TRPM7: variants seen among roughly 807,000 people sequenced by gnomAD.
TRPM7 encodes the protein transient receptor potential cation channel subfamily M member 7, also known as LTRPC ion channel family member 7.
Under a neutral mutation model 229.7 loss-of-function variants are expected in TRPM7, and 134 were observed. The ratio of observed to expected loss-of-function variants is 0.58; its 90% CI spans 0.51 to 0.67. The LOEUF is 0.67. Among genes scored for constraint, TRPM7 ranks in the 30% least tolerant of loss-of-function variants. The pLI, the probability that TRPM7 is intolerant of heterozygous loss-of-function variation, is 0.00. For synonymous variants in TRPM7, 699 were observed against 715.2 expected (o/e 0.98, Z 0.36); for missense variants, 1,901 against 2,210.0 (o/e 0.86, Z 2.80).
In TRPM7 at chr15:50,559,905, C is replaced by A. The variant is rs1208119383; in HGVS notation, c.*1773G>T. On this transcript the variant is annotated 3_prime_UTR_variant, in exon 39 of 39. Coordinates refer to ENST00000646667, the MANE Select transcript of TRPM7 (RefSeq NM_017672.6). ...GCGTGTGCCTGTAGTCCCAGCTACT[C>A]GGGAGGCTGAGGCAGGAGAATCACT... is the stretch of plus-strand genomic sequence containing the variant. The A allele has an allele frequency of 6.7e-6, 1 of 150,252 alleles. No individual in the cohort carries two copies. Among genetic ancestry groups the A allele is most frequent in the African/African-American group, 2.4e-5 (1 of 40,850 alleles). 9.3% of individuals were successfully genotyped at this position (150,252 alleles called of 1,614,324 possible).
intron 1 of TRPM7, among the ~76,000 whole-genome samples, chr15:50,685,750 A>G (rs2062343983): frequency 6.6e-6 from 1 of 152,150 alleles, no homozygotes; most frequent in Non-Finnish European, 1.5e-5. Flanking sequence ...CAAAAATAAA[A>G]AGCTCTATCG....
intron 3 of TRPM7, among the ~76,000 whole-genome samples, chr15:50,649,142 T>C (rs963321513): frequency 2.0e-5 from 3 of 152,282 alleles, no homozygotes; most frequent in African/African-American, 7.2e-5. Context: ...CATAGGCATA[T>C]AACAGAAATA....
chr15:50,598,430 C>G (rs2059688123), intron 22 of TRPM7, among the ~76,000 whole-genome samples: 1 of 152,314 alleles, frequency 6.6e-6, no homozygotes, highest in African/African-American at 2.4e-5. Context: ...AATGTACTCA[C>G]AAGCTGCAAC....
chr15:50,613,605 T>A, intron 15 of TRPM7, 102 bp downstream of exon 15: 1 of 1,068,138 alleles, frequency 9.4e-7, no homozygotes, highest in Non-Finnish European at 1.3e-6. Flanking sequence ...AAACGAAAGG[T>A]AATTCTTACT....
chr15:50,606,822 T>C (rs1274562571), intron 20 of TRPM7, among the ~76,000 whole-genome samples: 1 of 152,198 alleles, frequency 6.6e-6, no homozygotes, highest in Non-Finnish European at 1.5e-5. Context: ...ATAACTTACC[T>C]ACCTAATTGG....
chr15:50,567,939 C>T (rs1199656253), intron 38 of TRPM7, among the ~76,000 whole-genome samples: 1 of 151,720 alleles, frequency 6.6e-6, no homozygotes, highest in Admixed American at 6.6e-5. Context: ...ATTAGCCGGG[C>T]GCGGTGGCAG....
At chr15:50,637,810 C>T (rs574874859) in intron 6 of TRPM7, among the ~76,000 whole-genome samples, 116 of 152,180 alleles carry the variant, frequency 7.6e-4, no homozygotes, top group African/African-American at 2.6e-3. Context: ...ATATCTTGAC[C>T]CATACTGCAG....
chr15:50,617,248 T>C (rs1283039400), intron 13 of TRPM7, among the ~76,000 whole-genome samples: 1 of 151,332 alleles, frequency 6.6e-6, no homozygotes, highest in African/African-American at 2.4e-5. Context: ...GATAGGAGAA[T>C]TGCTTGAACC....
In TRPM7 at chr15:50,609,866, A is replaced by G; in HGVS notation, c.2376T>C (p.His792=). 2 of 1,613,300 alleles carry G rather than the reference A, an allele frequency of 1.2e-6. No individual in the cohort carries two copies. The highest frequency in any genetic ancestry group is 1.7e-6 in the Non-Finnish European group (2 of 1,179,596). The change falls in exon 18 of 39, where the codon CAT becomes CAC. Residue 792 remains histidine, a synonymous_variant. Coordinates refer to ENST00000646667, the MANE Select transcript of TRPM7 (RefSeq NM_017672.6). ...MSHIPQSQDA[H]QMTMDDSENN... ...TTTCGCTGTCATCCATTGTCATCTG[A>G]TGAGCATCTTGAGATTGTGGGATAT...
chr15:50,660,978 C>CTT lies in TRPM7; in HGVS notation c.83+1987_83+1988dup, dbSNP rs763937583. On this transcript the variant is annotated intron_variant, in intron 2 of 38. Coordinates refer to ENST00000646667, the MANE Select transcript of TRPM7 (RefSeq NM_017672.6). The stretch of plus-strand genomic sequence containing the variant: ...AATAACAGAATATTAACTACCATTC[C>CTT]TTTTTTTTTTTTTTGAGACAGAGTT... 4.0e-3 allele frequency among the ~76,000 whole-genome samples: 574 copies of CTT among 142,704 alleles called. 5 individuals carry two copies. The highest frequency in any genetic ancestry group is 0.014 in the African/African-American group (541 of 39,238). The allele number at this position is 142,704 out of a possible 152,430, so 93.6% of individuals were successfully genotyped here.
intron 21 of TRPM7, chr15:50,604,111 G>A (rs1251148592): frequency 6.6e-6 from 1 of 152,070 alleles, no homozygotes; most frequent in Non-Finnish European, 1.5e-5. Context: ...GCAAGGAGTA[G>A]ACCCAATATA....
intron 8 of TRPM7, among the ~76,000 whole-genome samples, chr15:50,633,841 A>G (rs1436382404): frequency 6.6e-6 from 1 of 152,176 alleles, no homozygotes; most frequent in Non-Finnish European, 1.5e-5. Flanking sequence ...TCTACGTTTG[A>G]CACATCTTAC....
chr15:50,596,151 G>T, intron 23 of TRPM7, 104 bp downstream of exon 23: 1 of 698,472 alleles, frequency 1.4e-6, no homozygotes, highest in Non-Finnish European at 2.1e-6. Flanking sequence ...AGTAGTTTAA[G>T]CCTCAATAAA....
At chr15:50,673,592 G>A (rs1412808327) in intron 1 of TRPM7, among the ~76,000 whole-genome samples, 1 of 152,036 alleles carries the variant, frequency 6.6e-6, no homozygotes, top group African/African-American at 2.4e-5. Flanking sequence ...CACTGTGAAT[G>A]CCATTAATTC....
At chr15:50,607,492 A>G (rs1483552414) in intron 19 of TRPM7, among the ~76,000 whole-genome samples, 164 bp from the exon 20 acceptor site, 1 of 152,212 alleles carries the variant, frequency 6.6e-6, no homozygotes, top group East Asian at 1.9e-4. Context: ...CTTCTTCAGC[A>G]CAGACATTGC....
At chr15:50,641,206 A>G (rs1369786148) in intron 5 of TRPM7, among the ~76,000 whole-genome samples, 1 of 152,088 alleles carries the variant, frequency 6.6e-6, no homozygotes, top group Non-Finnish European at 1.5e-5. Flanking sequence ...TCAGAGCAGA[A>G]GCCAAAATGC....
chr15:50,661,254 T>C (rs890183613), intron 2 of TRPM7, among the ~76,000 whole-genome samples: 12 of 152,102 alleles, frequency 7.9e-5, no homozygotes, highest in African/African-American at 2.9e-4. Flanking sequence ...GGATTACAGG[T>C]GTCAGCCACC....
rs796176820 is a variant in TRPM7 at position 50,671,804 on chromosome 15, G to A, written c.4-8758C>T. On this transcript the variant is annotated intron_variant, in intron 1 of 38. Transcript: ENST00000646667. Reference sequence around the variant, plus strand: ...CAGCCTGGGTGAGAGAACTTGTCTCGAAAAAAAAAAATTCCTATGGCCTAC... The same window carrying A: ...CAGCCTGGGTGAGAGAACTTGTCTCAAAAAAAAAAAATTCCTATGGCCTAC... Among the ~76,000 whole-genome samples the A allele has an allele frequency of 5.4e-5, 8 of 147,514 alleles. No homozygotes were observed. The South Asian group carries it at 1.1e-3, about 20-fold the overall frequency.
intron 23 of TRPM7, among the ~76,000 whole-genome samples, chr15:50,594,839 G>T (rs971494654): frequency 1.3e-5 from 2 of 152,118 alleles, no homozygotes; most frequent in Admixed American, 6.5e-5. Flanking sequence ...TTAAAATATT[G>T]TATGTAAATG....
Sources: gnomAD v4.1 joint callset for allele counts (sites outside exome capture counted in the v4.1 genomes callset) on GRCh38, gnomAD v4.1.1 for gene constraint, MANE v1.5 for transcripts, NCBI Gene and HGNC (gene_info 2026-07-23, HGNC 2026-07-21) for gene names.